The following CYB5A variants were observed in gnomAD, a reference collection of about 807,000 sequenced individuals.
The protein encoded by CYB5A is cytochrome b5.
A neutral mutation model predicts 16.2 loss-of-function variants in CYB5A; 10 were observed. The ratio of observed to expected loss-of-function variants is 0.62; its 90% CI spans 0.38 to 1.04. The LOEUF is 1.04. Among genes scored for constraint, CYB5A ranks in the 50% least tolerant of loss-of-function variants. The pLI, the probability that CYB5A is intolerant of heterozygous loss-of-function variation, is 0.01. For synonymous variants in CYB5A, 62 were observed against 57.0 expected, an observed-to-expected ratio of 1.09 and a Z score of -0.40; for missense variants, 161 against 165.9, an observed-to-expected ratio of 0.97 and a Z score of 0.16.
intron 1 of CYB5A, among the ~76,000 whole-genome samples, chr18:74,285,930 G>T (rs1599268615): frequency 6.6e-6 from 1 of 151,700 alleles, no homozygotes; most frequent in East Asian, 1.9e-4. Flanking sequence ...GGAGGTAATT[G>T]CAGGTGGGAA....
intron 3 of CYB5A, chr18:74,256,950 G>A: frequency 2.8e-6 from 3 of 1,060,762 alleles, no homozygotes; most frequent in Non-Finnish European, 4.3e-6. Flanking sequence ...TCTATAAAAA[G>A]TATTCATAAC....
intron 1 of CYB5A, among the ~76,000 whole-genome samples, chr18:74,273,035 A>G (rs1345067047): frequency 1.3e-5 from 2 of 152,234 alleles, no homozygotes; most frequent in Non-Finnish European, 2.9e-5. Context: ...AATGTGAGAA[A>G]CACAGTTGTA....
chr18:74,277,436 C>A (rs1406016248), intron 1 of CYB5A, among the ~76,000 whole-genome samples: 1 of 152,190 alleles, frequency 6.6e-6, no homozygotes, highest in Non-Finnish European at 1.5e-5. Flanking sequence ...ACTAAAGAGG[C>A]CCCTCTGGCA....
chr18:74,278,353 A>T (rs1490094470), intron 1 of CYB5A, among the ~76,000 whole-genome samples: 1 of 152,192 alleles, frequency 6.6e-6, no homozygotes, highest in Non-Finnish European at 1.5e-5. Context: ...GGATTAAGTG[A>T]ATTAATTAGC....
intron 1 of CYB5A, among the ~76,000 whole-genome samples, chr18:74,276,726 G>A (rs1037608606): frequency 5.3e-5 from 8 of 152,152 alleles, no homozygotes; most frequent in Admixed American, 2.0e-4. Flanking sequence ...GGGAATGAAC[G>A]CAGGCCGCCT....
Position 74,253,620 on chromosome 18 carries a change from G to T in CYB5A, c.369C>A (p.Val123=), listed in dbSNP as rs2276275. ...WVIPAISAVA[V]ALMYRLYMAE... ...CCATGTATAGGCGATACATCAAGGC[G>T]ACGGCCACTGCAGAGATGGCAGGGA... is the stretch of plus-strand genomic sequence containing the variant. The change falls in exon 5 of 5, where the codon GTC becomes GTA. Residue 123 remains valine (V), a synonymous_variant. Transcript: ENST00000340533. The T allele has an allele frequency of 1.9e-6, 3 of 1,613,392 alleles. No individual in the cohort carries two copies. The highest frequency in any genetic ancestry group is 2.2e-5 in the South Asian group (2 of 91,034).
intron 1 of CYB5A, among the ~76,000 whole-genome samples, chr18:74,280,832 G>T (rs1416820290): frequency 6.6e-6 from 1 of 152,098 alleles, no homozygotes; most frequent in Non-Finnish European, 1.5e-5. Flanking sequence ...ATACGTATGT[G>T]TCCCTCTGCC....
chr18:74,270,065 G>A (rs1457431507), intron 1 of CYB5A, among the ~76,000 whole-genome samples: 1 of 151,972 alleles, frequency 6.6e-6, no homozygotes, highest in Non-Finnish European at 1.5e-5. Flanking sequence ...GTCCTACAAG[G>A]CCCTTGCTCA....
intron 1 of CYB5A, among the ~76,000 whole-genome samples, chr18:74,274,892 G>A (rs10514120): frequency 0.13 from 19,100 of 152,166 alleles, 1,423 homozygotes; most frequent in Admixed American, 0.2. Context: ...GACAGCAGAG[G>A]CTTCCGTTCC....
intron 1 of CYB5A, among the ~76,000 whole-genome samples, chr18:74,269,328 G>A (rs1982573315): frequency 6.6e-6 from 1 of 152,098 alleles, no homozygotes; most frequent in Non-Finnish European, 1.5e-5. Flanking sequence ...AACCTTCTCG[G>A]CCACCACAGT....
intron 1 of CYB5A, among the ~76,000 whole-genome samples, chr18:74,273,295 C>T (rs994331962): frequency 1.3e-5 from 2 of 152,290 alleles, no homozygotes; most frequent in Middle Eastern, 3.4e-3. Context: ...AACGGCACTT[C>T]CTGCACCTCT....
At chr18:74,288,655 C>T (rs980785666) in intron 1 of CYB5A, among the ~76,000 whole-genome samples, 1 of 152,154 alleles carries the variant, frequency 6.6e-6, no homozygotes, top group African/African-American at 2.4e-5. Flanking sequence ...CCTGGCAGGG[C>T]AGTGTGCTGA....
chr18:74,277,808 C>T (rs906701143), intron 1 of CYB5A, among the ~76,000 whole-genome samples: 1 of 152,188 alleles, frequency 6.6e-6, no homozygotes, highest in African/African-American at 2.4e-5. Flanking sequence ...TGAGGCAGAA[C>T]ACAACGGTGT....
At chr18:74,257,347 A>G (rs2145039137) in intron 3 of CYB5A, 1 of 167,478 alleles carries the variant, frequency 6.0e-6, no homozygotes, top group Non-Finnish European at 1.3e-5. Context: ...AAATAATCGT[A>G]TCACCTTTTG....
chr18:74,253,186 G>C lies in CYB5A; in HGVS notation c.*398C>G, dbSNP rs1031948162. 1 of 259,716 alleles carries C rather than the reference G, an allele frequency of 3.9e-6. No individual in the cohort carries two copies. The highest frequency in any genetic ancestry group is 2.3e-5 in the African/African-American group (1 of 43,548). The allele number at this position is 259,716 out of a possible 1,614,324, so 16.1% of individuals were successfully genotyped here. A position where few individuals can be genotyped will look rare whatever the true frequency, so the allele number is the denominator to read the frequency against. ...CTCAAACCTATTTCCCGCACCTCCA[G>C]TCATATGGCCTCTGTGGGTCTGGAT... On this transcript the variant is annotated 3_prime_UTR_variant, in exon 5 of 5. Transcript: ENST00000340533.
At chr18:74,291,628 CG>C (rs541876209) in intron 1 of CYB5A, 118 bp downstream of exon 1, 3 of 1,475,076 alleles carry the variant, frequency 2.0e-6, no homozygotes, top group African/African-American at 1.4e-5. Context: ...TGAGCGAACT[CG>C]GGGGGCGCGC....
At chr18:74,276,348 G>A (rs4892194) in intron 1 of CYB5A, among the ~76,000 whole-genome samples, 21,746 of 152,018 alleles carry the variant, frequency 0.14, 1,675 homozygotes, top group Admixed American at 0.2. Context: ...TGCAAATAAA[G>A]TGACCATTTT....
chr18:74,285,477 A>G (rs1416111180), intron 1 of CYB5A, among the ~76,000 whole-genome samples: 2 of 152,228 alleles, frequency 1.3e-5, no homozygotes, highest in African/African-American at 4.8e-5. Flanking sequence ...ACACAGCCAA[A>G]TTCAGGAAGG....
intron 2 of CYB5A, among the ~76,000 whole-genome samples, chr18:74,262,345 A>C (rs1391756558): frequency 6.6e-6 from 1 of 151,796 alleles, no homozygotes; most frequent in East Asian, 1.9e-4. Flanking sequence ...AATCCCAGAT[A>C]CTTGGGAGGC....
Sources: allele counts gnomAD v4.1 joint callset (sites outside exome capture counted in the v4.1 genomes callset), GRCh38; gene constraint gnomAD v4.1.1; transcripts MANE v1.5; gene names NCBI Gene and HGNC (gene_info 2026-07-23, HGNC 2026-07-21).